The following TXK variants were observed in gnomAD, a reference collection of about 807,000 sequenced individuals.
TXK encodes TXK tyrosine kinase, also known as tyrosine-protein kinase TXK.
TXK carries 60 observed loss-of-function variants against 81.0 expected under a neutral mutation model. That is an observed-to-expected ratio of 0.74 (90% CI 0.60 to 0.92). The LOEUF is 0.92. Among genes scored for constraint, TXK ranks in the 40% least tolerant of loss-of-function variants. The pLI, the probability that TXK is intolerant of heterozygous loss-of-function variation, is 0.00. For missense variants in TXK, 581 were observed against 638.3 expected, an observed-to-expected ratio of 0.91 and a Z score of 0.97; for synonymous variants, 203 against 210.7, an observed-to-expected ratio of 0.96 and a Z score of 0.32.
chr4:48,088,446 T>C (rs964202473), intron 9 of TXK, among the ~76,000 whole-genome samples: 2 of 152,174 alleles, frequency 1.3e-5, no homozygotes, highest in Non-Finnish European at 2.9e-5. Flanking sequence ...GAAGCATGGC[T>C]AAATCAGTTG....
At chr4:48,105,836 C>T (rs1307551178) in intron 5 of TXK, among the ~76,000 whole-genome samples, 1 of 152,154 alleles carries the variant, frequency 6.6e-6, no homozygotes, top group Non-Finnish European at 1.5e-5. Context: ...TCAGATTCAC[C>T]AACCCCTTTT....
At chr4:48,115,298 G>A (rs1718772113) in intron 1 of TXK, among the ~76,000 whole-genome samples, 1 of 152,128 alleles carries the variant, frequency 6.6e-6, no homozygotes, top group African/African-American at 2.4e-5. Context: ...AGAATATGCA[G>A]TGTTGGGCTT....
chr4:48,091,510 CTT>C (rs536973592), intron 8 of TXK, among the ~76,000 whole-genome samples: 5 of 145,004 alleles, frequency 3.4e-5, no homozygotes, highest in African/African-American at 7.5e-5. Context: ...TTTTTCTTTT[CTT>C]TTTTTTTTTT....
chr4:48,097,553 C>T (rs1385659216), intron 6 of TXK, among the ~76,000 whole-genome samples: 1 of 149,356 alleles, frequency 6.7e-6, no homozygotes, highest in Non-Finnish European at 1.5e-5. Flanking sequence ...TGAGTAAATT[C>T]AAACTCCTGA....
intron 7 of TXK, 143 bp from the exon 8 acceptor site, chr4:48,094,347 GCC>G: frequency 1.2e-6 from 1 of 865,838 alleles, no homozygotes; most frequent in Non-Finnish European, 1.7e-6. Flanking sequence ...TTCAACAAGT[GCC>G]CCCCCATGCC....
In TXK at chr4:48,094,069, C is replaced by T. The variant is rs754344292; in HGVS notation, c.709+8G>A. 3 of 1,613,172 alleles carry T rather than the reference C, an allele frequency of 1.9e-6. No homozygotes were observed. In the South Asian group the frequency reaches 3.3e-5, roughly 18 times the overall value. On this transcript the variant is annotated splice_region_variant and intron_variant, in intron 8 of 14. Transcript: ENST00000264316. The stretch of plus-strand genomic sequence containing the variant: ...CCTGACTCACCCAGCTGGAAGTTCC[C>T]CTCTTACCGGCTGCATTGTGCTGGT...
chr4:48,071,145 C>T (rs1716833921), intron 14 of TXK, among the ~76,000 whole-genome samples: 1 of 152,014 alleles, frequency 6.6e-6, no homozygotes, highest in South Asian at 2.1e-4. Context: ...GGTGATCCAC[C>T]CGCCTCGGCC....
chr4:48,077,281 A>G (rs992650289), intron 11 of TXK, among the ~76,000 whole-genome samples: 3 of 127,410 alleles, frequency 2.4e-5, no homozygotes, highest in Admixed American at 1.6e-4. Context: ...AGGTAGATAA[A>G]CTATTTGATA....
At position 48,080,029 on chromosome 4, in the gene TXK, A is replaced by T. The variant is rs773382243; in HGVS notation, c.1056T>A (p.Leu352=). 3.7e-6 allele frequency: 6 copies of T among 1,614,086 alleles called. No individual in the cohort carries two copies. The highest frequency in any genetic ancestry group is 4.2e-6 in the Non-Finnish European group (5 of 1,179,992). The change falls in exon 11 of 15, where the codon CTT becomes CTA. Residue 352 remains leucine (L), a synonymous_variant. Transcript: ENST00000264316. ...VTEFMENGCL[L]NYLRENKGKL... is the part of the protein sequence containing the mutation. Reference sequence around the variant, plus strand: ...TTCCTTTATTCTCCCTGAGATAGTTAAGCAGGCAGCCATTTTCCATGAACT... The same window carrying T: ...TTCCTTTATTCTCCCTGAGATAGTTTAGCAGGCAGCCATTTTCCATGAACT...
chr4:48,087,705 GA>G (rs1294312025), intron 9 of TXK, among the ~76,000 whole-genome samples: 6 of 152,100 alleles, frequency 3.9e-5, no homozygotes, highest in Non-Finnish European at 7.4e-5. Flanking sequence ...AAAGTGCTGG[GA>G]TTATAGGCAT....
chr4:48,102,996 G>A (rs1314916666), intron 6 of TXK, among the ~76,000 whole-genome samples: 1 of 152,178 alleles, frequency 6.6e-6, no homozygotes, highest in Non-Finnish European at 1.5e-5. Flanking sequence ...GGGAATGAGA[G>A]AGGACCAAAA....
chr4:48,103,301 A>T (rs998208535), intron 6 of TXK, among the ~76,000 whole-genome samples: 1 of 151,924 alleles, frequency 6.6e-6, no homozygotes, highest in Non-Finnish European at 1.5e-5. Flanking sequence ...CTGTCATAAA[A>T]TTTTTTTTCT....
At chr4:48,078,587 C>T (rs1717160690) in intron 11 of TXK, among the ~76,000 whole-genome samples, 1 of 152,200 alleles carries the variant, frequency 6.6e-6, no homozygotes, top group South Asian at 2.1e-4. Flanking sequence ...GAAAGTGTTA[C>T]TCAAGGGGAG....
chr4:48,105,009 A>G (rs981569650), intron 5 of TXK, 54 bp from the exon 6 acceptor site: 7 of 1,310,882 alleles, frequency 5.3e-6, no homozygotes, highest in African/African-American at 4.5e-5. Flanking sequence ...TTTTTAAGAA[A>G]AAAGTGCTTC....
At chr4:48,120,173 G>A (rs891203705) in intron 1 of TXK, among the ~76,000 whole-genome samples, 4 of 92,826 alleles carry the variant, frequency 4.3e-5, no homozygotes, top group Non-Finnish European at 6.1e-5. Flanking sequence ...ATGTATATAC[G>A]TATATGTGTA....
intron 10 of TXK, among the ~76,000 whole-genome samples, chr4:48,083,692 C>A (rs1449453570): frequency 1.3e-5 from 2 of 152,200 alleles, no homozygotes; most frequent in African/African-American, 4.8e-5. Context: ...TGTTTTTAAG[C>A]ACCAACTACA....
At chr4:48,082,728 T>C (rs770490047) in intron 10 of TXK, among the ~76,000 whole-genome samples, 3 of 152,088 alleles carry the variant, frequency 2.0e-5, no homozygotes, top group Non-Finnish European at 4.4e-5. Flanking sequence ...CCTGTACCCA[T>C]ACAAATCGCA....
chr4:48,092,454 T>C (rs907601364), intron 8 of TXK, among the ~76,000 whole-genome samples: 3 of 152,048 alleles, frequency 2.0e-5, no homozygotes, highest in Admixed American at 2.0e-4. Flanking sequence ...GTACTGTCAA[T>C]ATAGGGGCCA....
intron 12 of TXK, among the ~76,000 whole-genome samples, chr4:48,074,768 G>A (rs1360079038): frequency 6.6e-6 from 1 of 152,016 alleles, no homozygotes; most frequent in African/African-American, 2.4e-5. Flanking sequence ...ATTTATTAAT[G>A]CTGCCCCTAT....
Sources: allele counts gnomAD v4.1 joint callset (sites outside exome capture counted in the v4.1 genomes callset), GRCh38; gene constraint gnomAD v4.1.1; transcripts MANE v1.5; gene names NCBI Gene and HGNC (gene_info 2026-07-23, HGNC 2026-07-21).